Variants in ADGRB3 observed in about 807,000 individuals in gnomAD.
The protein encoded by ADGRB3 is brain-specific angiogenesis inhibitor 3.
Under a neutral mutation model 193.4 loss-of-function variants are expected in ADGRB3, and 37 were observed. The observed-to-expected ratio is 0.19, with a 90% confidence interval of 0.15 to 0.25. ADGRB3 has a LOEUF of 0.25. ADGRB3 is among the 10% of genes least tolerant of loss of function. ADGRB3 has a pLI of 1.00. For synonymous variants in ADGRB3, 690 were observed against 644.2 expected (o/e 1.07, Z -1.08); for missense variants, 1,637 against 1,852.9 (o/e 0.88, Z 2.14).
chr6:69,322,948 T>C (rs1200348490), intron 20 of ADGRB3, among the ~76,000 whole-genome samples: 1 of 151,988 alleles, frequency 6.6e-6, no homozygotes, highest in African/African-American at 2.4e-5. Context: ...CGAAGAGGCA[T>C]GATTATTGAA....
chr6:68,953,912 C>T (rs1391209495), intron 6 of ADGRB3, among the ~76,000 whole-genome samples: 1 of 152,174 alleles, frequency 6.6e-6, no homozygotes, highest in Non-Finnish European at 1.5e-5. Flanking sequence ...TCTCTTTCAC[C>T]TGTGATCAAA....
chr6:68,768,580 TAAAAACCCTAGAA>T (rs1198339126), intron 3 of ADGRB3, among the ~76,000 whole-genome samples: 2 of 152,076 alleles, frequency 1.3e-5, no homozygotes, highest in Non-Finnish European at 2.9e-5. Flanking sequence ...CCTAAAATCA[TAAAAACCCTAGAA>T]GAAAACCTAG....
intron 3 of ADGRB3, among the ~76,000 whole-genome samples, chr6:68,807,215 CTTTTTCTTTTTTCTTTTTTCTTT>C (rs1767417795): frequency 7.6e-6 from 1 of 132,396 alleles, no homozygotes; most frequent in African/African-American, 2.8e-5. Flanking sequence ...GTTAATTTTT[CTTTTTCTTTTTTCTTTTTTCTTT>C]TTTTTTTTTT....
intron 10 of ADGRB3, among the ~76,000 whole-genome samples, chr6:68,984,204 T>G (rs1296242625): frequency 6.6e-6 from 1 of 152,294 alleles, no homozygotes; most frequent in South Asian, 2.1e-4. Context: ...ATGAGGTTTC[T>G]ATGGAGGATA....
chr6:69,082,594 T>A (rs1223981342), intron 17 of ADGRB3, among the ~76,000 whole-genome samples: 1 of 152,188 alleles, frequency 6.6e-6, no homozygotes, highest in African/African-American at 2.4e-5. Context: ...TATCGTCATT[T>A]TTTATTTCTA....
chr6:68,876,279 T>TG (rs1765591617), intron 3 of ADGRB3, among the ~76,000 whole-genome samples: 1 of 152,210 alleles, frequency 6.6e-6, no homozygotes, highest in South Asian at 2.1e-4. Flanking sequence ...TGTGTCTTGG[T>TG]GGGATAGATG....
chr6:69,350,371 T>C (rs1769196205), intron 26 of ADGRB3, among the ~76,000 whole-genome samples: 2 of 151,934 alleles, frequency 1.3e-5, no homozygotes, highest in Non-Finnish European at 2.9e-5. Flanking sequence ...ATTAGTTACA[T>C]ATCTGTTCCT....
chr6:69,108,555 GTGTT>G (rs774005616), intron 17 of ADGRB3, among the ~76,000 whole-genome samples: 5 of 152,102 alleles, frequency 3.3e-5, no homozygotes, highest in Non-Finnish European at 1.5e-5. Context: ...TTGTGTGTGT[GTGTT>G]TGTATGTGTG....
At chr6:69,147,961 T>G (rs886571962) in intron 17 of ADGRB3, among the ~76,000 whole-genome samples, 1 of 152,186 alleles carries the variant, frequency 6.6e-6, no homozygotes, top group African/African-American at 2.4e-5. Context: ...TCCTTCTCTT[T>G]TTTAGTTTCC....
intron 3 of ADGRB3, among the ~76,000 whole-genome samples, chr6:68,683,512 A>G (rs1020238914): frequency 6.6e-6 from 1 of 152,196 alleles, no homozygotes; most frequent in African/African-American, 2.4e-5. Flanking sequence ...GTTTTAGACA[A>G]TGGAATTATG....
rs181007198 is a variant in ADGRB3 at position 68,874,769 on chromosome 6, T to G, written c.758-55790T>G. ...ACACTGATGACTGTGTATCAAACTC[T>G]TCGCTATTTTCATGGAATTTGCAAC... is the stretch of plus-strand genomic sequence containing the variant. On this transcript the variant is annotated intron_variant, in intron 3 of 31. Transcript: ENST00000370598. Among the ~76,000 whole-genome samples the G allele has an allele frequency of 2.2e-3, 336 of 152,292 alleles. 4 individuals carry two copies. Among genetic ancestry groups the G allele is most frequent in the African/African-American group, 7.6e-3 (314 of 41,558 alleles).
chr6:68,764,978 G>A (rs1419461377), intron 3 of ADGRB3, among the ~76,000 whole-genome samples: 1 of 152,074 alleles, frequency 6.6e-6, no homozygotes, highest in Non-Finnish European at 1.5e-5. Flanking sequence ...TTTTGATTTG[G>A]TAACTGCTGA....
chr6:68,909,634 T>G (rs1219098031), intron 3 of ADGRB3, among the ~76,000 whole-genome samples: 1 of 152,176 alleles, frequency 6.6e-6, no homozygotes, highest in Admixed American at 6.6e-5. Context: ...TTTTATATGA[T>G]CATTTGATAG....
intron 23 of ADGRB3, chr6:69,331,957 G>A (rs1403406102): frequency 1.0e-6 from 1 of 985,112 alleles, no homozygotes; most frequent in Admixed American, 6.2e-5. Context: ...TACTTAATAG[G>A]TATGTTTTGC....
chr6:68,964,026 T>C (rs1562102340), intron 8 of ADGRB3, among the ~76,000 whole-genome samples: 1 of 152,156 alleles, frequency 6.6e-6, no homozygotes, highest in Non-Finnish European at 1.5e-5. Context: ...TATAAAAGCA[T>C]ATGAATAAAA....
At chr6:69,200,193 A>G (rs1032494142) in intron 17 of ADGRB3, among the ~76,000 whole-genome samples, 1 of 152,078 alleles carries the variant, frequency 6.6e-6, no homozygotes, top group Non-Finnish European at 1.5e-5. Context: ...GTTGTTTTCT[A>G]ACATGAAGTT....
At chr6:69,010,568 T>G (rs1769901604) in intron 11 of ADGRB3, among the ~76,000 whole-genome samples, 1 of 152,026 alleles carries the variant, frequency 6.6e-6, no homozygotes, top group South Asian at 2.1e-4. Context: ...TCACGATAGC[T>G]CTGCTAGGTA....
chr6:69,258,886 C>T (rs1327980631), intron 20 of ADGRB3, among the ~76,000 whole-genome samples: 1 of 152,140 alleles, frequency 6.6e-6, no homozygotes, highest in Non-Finnish European at 1.5e-5. Context: ...TGATAGACAT[C>T]TCGTTAGTTA....
chr6:69,367,706 T>G (rs1223789536), intron 29 of ADGRB3, among the ~76,000 whole-genome samples: 1 of 152,020 alleles, frequency 6.6e-6, no homozygotes, highest in African/African-American at 2.4e-5. Flanking sequence ...GTATGTTTAT[T>G]GCGGCATTAT....
Sources: allele counts gnomAD v4.1 joint callset (sites outside exome capture counted in the v4.1 genomes callset), GRCh38; gene constraint gnomAD v4.1.1; transcripts MANE v1.5; gene names NCBI Gene and HGNC (gene_info 2026-07-23, HGNC 2026-07-21).